The following SRFBP1 variants were observed in gnomAD, a reference collection of about 807,000 sequenced individuals.
SRFBP1 encodes the protein serum response factor binding protein 1.
A neutral mutation model predicts 45.5 loss-of-function variants in SRFBP1; 47 were observed. The observed-to-expected ratio is 1.03, with a 90% CI of 0.82 to 1.32. The LOEUF is 1.32. Among genes scored for constraint, SRFBP1 ranks in the 40% most tolerant of loss-of-function variants. The probability of loss-of-function intolerance (pLI) is 0.00; values close to 1 mark genes in which losing one functional copy is unlikely to be tolerated. For synonymous variants in SRFBP1, 203 were observed against 166.3 expected (o/e 1.22, Z -1.70); for missense variants, 621 against 484.6 (o/e 1.28, Z -2.64).
intron 2 of SRFBP1, among the ~76,000 whole-genome samples, chr5:122,061,833 A>G (rs1238518434): frequency 6.6e-6 from 1 of 152,040 alleles, no homozygotes; most frequent in East Asian, 1.9e-4. Context: ...TTTTTTAGAA[A>G]GTGAAGCAGG....
At chr5:121,993,076 C>T (rs185912080) in intron 3 of SRFBP1, among the ~76,000 whole-genome samples, 4 of 152,198 alleles carry the variant, frequency 2.6e-5, no homozygotes, top group African/African-American at 9.6e-5. Context: ...AATTCACAGC[C>T]TTAGTGGCAA....
rs1387533771 is a variant in SRFBP1, at chr5:121,994,561, A to G, written c.199-38A>G. ...AACTTAATAATAGTGATAAAAATAG[A>G]CACATAACTAAAATTAATTTGTTTT... On this transcript the variant is annotated intron_variant, in intron 3 of 7. Transcript: ENST00000339397. 2.2e-6 allele frequency: 3 copies of G among 1,344,860 alleles called. No homozygotes were observed. In the East Asian group the frequency reaches 7.0e-5, roughly 31 times the overall value. The allele number at this position is 1,344,860 out of a possible 1,614,324, so 83.3% of individuals were successfully genotyped here. A position where few individuals can be genotyped will look rare whatever the true frequency, so the allele number is the denominator to read the frequency against.
intron 3 of SRFBP1, among the ~76,000 whole-genome samples, chr5:121,991,388 C>T (rs963500992): frequency 2.6e-5 from 4 of 152,024 alleles, no homozygotes; most frequent in African/African-American, 9.7e-5. Flanking sequence ...GTATGTAAAT[C>T]TAGGTTTCAG....
At chr5:122,046,866 T>C (rs898744863) in intron 2 of SRFBP1, among the ~76,000 whole-genome samples, 2 of 152,196 alleles carry the variant, frequency 1.3e-5, no homozygotes, top group Admixed American at 6.5e-5. Flanking sequence ...TGTCTGTTCA[T>C]TCCTTTGCCC....
chr5:122,048,740 T>C (rs149734696), intron 2 of SRFBP1, among the ~76,000 whole-genome samples: 5,006 of 152,286 alleles, frequency 0.033, 295 homozygotes, highest in African/African-American at 0.11. Flanking sequence ...ATTGGTCTTT[T>C]CAGAGATTCA....
intron 2 of SRFBP1, among the ~76,000 whole-genome samples, chr5:122,054,321 C>G (rs1217109675): frequency 6.6e-6 from 1 of 152,174 alleles, no homozygotes; most frequent in African/African-American, 2.4e-5. Context: ...TCTCACCTTT[C>G]CTGTATTGGA....
intron 1 of SRFBP1, among the ~76,000 whole-genome samples, chr5:121,967,350 C>A (rs1179217866): frequency 1.3e-5 from 2 of 152,018 alleles, no homozygotes; most frequent in Admixed American, 1.3e-4. Context: ...CCGTAAGAAC[C>A]AATTTGTGTT....
intron 4 of SRFBP1, among the ~76,000 whole-genome samples, chr5:122,000,997 C>G (rs1020463195): frequency 4.6e-5 from 7 of 152,042 alleles, no homozygotes; most frequent in Non-Finnish European, 4.4e-5. Flanking sequence ...TACACTGACT[C>G]TGGATGTCAT....
Position 122,022,365 on chromosome 5 carries a change from T to G in SRFBP1, c.1068-5T>G, listed in dbSNP as rs1167767268. 6.2e-7 allele frequency: 1 copy of G among 1,609,162 alleles called. No individual in the cohort carries two copies. Among genetic ancestry groups the G allele is most frequent in the African/African-American group, 1.3e-5 (1 of 74,662 alleles). ...AAAGTCATAATGGTGTTTTTCTTCT[T>G]TTAGAAATTTCAAAGAACAGGCTCC... On this transcript the variant is annotated splice_polypyrimidine_tract_variant and splice_region_variant and intron_variant, in intron 6 of 7. Transcript: ENST00000339397.
rs150849251 is a variant in SRFBP1, at chr5:122,048,318, G to A, written n.311+25911G>A. 3.5e-3 allele frequency among the ~76,000 whole-genome samples: 532 copies of A among 152,094 alleles called. 3 individuals carry two copies. Among genetic ancestry groups the A allele is most frequent in the Non-Finnish European group, 6.2e-3 (418 of 67,962 alleles). ...TTGAGATAATCCTATGGTTTTTGTC[G>A]TTGGTTCTGTTTATATGCTGGATTC... On this transcript the variant is annotated intron_variant and non_coding_transcript_variant, in intron 2 of 2. Coordinates refer to the SRFBP1 transcript ENST00000504881.
downstream of SRFBP1, among the ~76,000 whole-genome samples, chr5:122,076,450 A>C (rs1754636539): frequency 6.6e-6 from 1 of 152,220 alleles, no homozygotes; most frequent in Non-Finnish European, 1.5e-5. Flanking sequence ...TCGTGGTCTC[A>C]AACAAAAGAG....
chr5:122,014,980 A>G (rs1580526917), intron 4 of SRFBP1, among the ~76,000 whole-genome samples: 1 of 152,250 alleles, frequency 6.6e-6, no homozygotes, highest in East Asian at 1.9e-4. Flanking sequence ...TAGGATTCCC[A>G]GAATTTCTTA....
intron 2 of SRFBP1, among the ~76,000 whole-genome samples, chr5:122,067,151 T>C (rs1008481465): frequency 6.6e-5 from 10 of 152,098 alleles, no homozygotes; most frequent in Non-Finnish European, 1.2e-4. Flanking sequence ...GCTTTGGATG[T>C]AGAATAATAC....
intron 3 of SRFBP1, 57 bp from the exon 4 acceptor site, chr5:121,994,542 A>G: frequency 2.6e-6 from 3 of 1,158,756 alleles, no homozygotes; most frequent in South Asian, 1.3e-5. Context: ...AAGGAACTTA[A>G]TAATAGTGAT....
intron 3 of SRFBP1, among the ~76,000 whole-genome samples, chr5:121,978,963 GT>G (rs1446387236): frequency 6.6e-6 from 1 of 151,848 alleles, no homozygotes; most frequent in Non-Finnish European, 1.5e-5. Context: ...TCTTCCCCTA[GT>G]TTTACATTCT....
rs186983474 is a variant in SRFBP1, at chr5:122,001,282, A to G, written c.270+6612A>G. Among the ~76,000 whole-genome samples, 761 of 151,648 alleles carry G rather than the reference A, an allele frequency of 5.0e-3. 10 individuals are homozygous for G. Among genetic ancestry groups the G allele is most frequent in the African/African-American group, 0.017 (718 of 41,538 alleles). ...CTCTCAAATTGTTGGAAATTTTGCT[A>G]TAACAGATTGGTAGCTAAATACTCA... On this transcript the variant is annotated intron_variant, in intron 4 of 7. Coordinates refer to ENST00000339397, the MANE Select transcript of SRFBP1 (RefSeq NM_152546.3).
rs553234460 is a variant in SRFBP1, at chr5:122,048,009, T to C, written n.311+25602T>C. Among the ~76,000 whole-genome samples, 19 of 152,186 alleles carry C rather than the reference T, an allele frequency of 1.2e-4. No individual in the cohort carries two copies. In the South Asian group the frequency reaches 2.9e-3, roughly 23 times the overall value. Reference sequence around the variant, plus strand: ...TCTGCAAACAGGGACAATTTGACTTTCTCTTTTCCTAATTGAGTACCCTTT... The same window carrying C: ...TCTGCAAACAGGGACAATTTGACTTCCTCTTTTCCTAATTGAGTACCCTTT... On this transcript the variant is annotated intron_variant and non_coding_transcript_variant, in intron 2 of 2. Coordinates refer to the SRFBP1 transcript ENST00000504881.
At chr5:122,050,150 A>C (rs746364271) in intron 2 of SRFBP1, among the ~76,000 whole-genome samples, 1 of 151,952 alleles carries the variant, frequency 6.6e-6, no homozygotes, top group Non-Finnish European at 1.5e-5. Flanking sequence ...GTTTGCTAGT[A>C]TTTTCTTGAG....
intron 3 of SRFBP1, among the ~76,000 whole-genome samples, chr5:121,990,445 G>A (rs1377048140): frequency 6.6e-6 from 1 of 152,136 alleles, no homozygotes; most frequent in East Asian, 1.9e-4. Context: ...GTGGGGAGAA[G>A]TCTGGGTTAA....
Sources: gnomAD v4.1 joint callset for allele counts (sites outside exome capture counted in the v4.1 genomes callset) on GRCh38, gnomAD v4.1.1 for gene constraint, MANE v1.5 for transcripts, NCBI Gene and HGNC (gene_info 2026-07-23, HGNC 2026-07-21) for gene names.